WWOX: variants seen among roughly 807,000 people sequenced by gnomAD.
WWOX encodes the protein WW domain-containing oxidoreductase.
In WWOX, 69 loss-of-function variants were observed where a neutral mutation model predicts 46.2. The observed-to-expected ratio is 1.49, with a 90% CI of 1.23 to 1.82. The LOEUF is 1.82. Ranked by LOEUF, WWOX falls within the 40% of genes most tolerant of loss-of-function variation. WWOX has a pLI of 0.00. For synonymous variants in WWOX, 359 were observed against 202.6 expected, an observed-to-expected ratio of 1.77 and a Z score of -6.56; for missense variants, 919 against 542.6, an observed-to-expected ratio of 1.69 and a Z score of -6.89.
At chr16:78,572,389 G>A (rs1245164508) in intron 8 of WWOX, among the ~76,000 whole-genome samples, 1 of 152,144 alleles carries the variant, frequency 6.6e-6, no homozygotes, top group Non-Finnish European at 1.5e-5. Flanking sequence ...GAGCCCAGGA[G>A]TTTGATTCCA....
In WWOX at chr16:78,718,611, G is replaced by A. The variant is rs1382143443; in HGVS notation, c.1056+285859G>A. Among the ~76,000 whole-genome samples the A allele has an allele frequency of 7.2e-5, 11 of 151,988 alleles. No individual in the cohort carries two copies. The East Asian group carries it at 1.5e-3, about 21-fold the overall frequency. On this transcript the variant is annotated intron_variant, in intron 8 of 8. Transcript: ENST00000566780. Reference sequence around the variant, plus strand: ...AATCCTAGGTACTCTGGAGGGTGACGGTGGGAGGATCCCTTGAGCCCAGGA... The same window carrying A: ...AATCCTAGGTACTCTGGAGGGTGACAGTGGGAGGATCCCTTGAGCCCAGGA...
At chr16:78,326,274 A>T (rs538528331) in intron 5 of WWOX, among the ~76,000 whole-genome samples, 3 of 152,324 alleles carry the variant, frequency 2.0e-5, no homozygotes, top group East Asian at 3.9e-4. Flanking sequence ...TTGATGCTTT[A>T]TGTTAAGTGT....
At chr16:78,843,079 A>G (rs1034514249) in intron 8 of WWOX, among the ~76,000 whole-genome samples, 1 of 149,892 alleles carries the variant, frequency 6.7e-6, no homozygotes, top group Non-Finnish European at 1.5e-5. Flanking sequence ...GCTTTTGGCA[A>G]TCACTTCTCT....
intron 8 of WWOX, among the ~76,000 whole-genome samples, chr16:78,999,857 C>T (rs2047060284): frequency 6.6e-6 from 1 of 152,026 alleles, no homozygotes; most frequent in Non-Finnish European, 1.5e-5. Flanking sequence ...CCTTGAAATA[C>T]ATAAAACTTT....
chr16:78,862,044 T>TTA (rs940370315), intron 8 of WWOX, among the ~76,000 whole-genome samples: 1 of 144,182 alleles, frequency 6.9e-6, no homozygotes, highest in African/African-American at 2.5e-5. Context: ...CATGTATCTA[T>TTA]TATATATATA....
intron 8 of WWOX, among the ~76,000 whole-genome samples, chr16:78,633,238 G>C (rs1382080920): frequency 6.6e-6 from 1 of 152,178 alleles, no homozygotes; most frequent in Admixed American, 6.5e-5. Flanking sequence ...CTCCATGCTA[G>C]GTGACAGAGC....
At chr16:78,600,877 G>C (rs2045606644) in intron 8 of WWOX, among the ~76,000 whole-genome samples, 1 of 152,160 alleles carries the variant, frequency 6.6e-6, no homozygotes, top group Non-Finnish European at 1.5e-5. Flanking sequence ...TGCCTATCGT[G>C]ACAGGGAGAA....
intron 5 of WWOX, among the ~76,000 whole-genome samples, chr16:78,275,420 C>T (rs1298929471): frequency 1.3e-5 from 2 of 152,204 alleles, no homozygotes; most frequent in Non-Finnish European, 2.9e-5. Context: ...ATACCTGGCC[C>T]GCTTTCCAAA....
chr16:78,259,458 C>CTATCTATG (rs1555510207), intron 5 of WWOX, among the ~76,000 whole-genome samples: 6 of 145,396 alleles, frequency 4.1e-5, no homozygotes, highest in Non-Finnish European at 3.1e-5. Flanking sequence ...TGCCGACTAG[C>CTATCTATG]TGGGACTACA....
At chr16:78,977,551 C>T (rs537065878) in intron 8 of WWOX, among the ~76,000 whole-genome samples, 6 of 152,124 alleles carry the variant, frequency 3.9e-5, no homozygotes, top group African/African-American at 1.4e-4. Flanking sequence ...CTGGGGGAGT[C>T]GCTTAATTTC....
chr16:78,720,953 G>A (rs182315635), intron 8 of WWOX, among the ~76,000 whole-genome samples: 16 of 152,196 alleles, frequency 1.1e-4, no homozygotes, highest in Admixed American at 9.8e-4. Flanking sequence ...CATCATCAGG[G>A]GAGCCAAGTG....
intron 8 of WWOX, among the ~76,000 whole-genome samples, chr16:79,127,564 C>T (rs1253434590): frequency 6.6e-6 from 1 of 152,176 alleles, no homozygotes; most frequent in East Asian, 1.9e-4. Context: ...AATTGTGCCG[C>T]AACGTGTAAC....
chr16:78,165,977 T>C (rs1428777172), intron 5 of WWOX, among the ~76,000 whole-genome samples: 1 of 152,066 alleles, frequency 6.6e-6, no homozygotes, highest in Non-Finnish European at 1.5e-5. Flanking sequence ...TAGCAATTTT[T>C]AGGGATGTAT....
intron 8 of WWOX, among the ~76,000 whole-genome samples, chr16:78,661,047 A>G (rs1423537309): frequency 6.6e-6 from 1 of 152,186 alleles, no homozygotes; most frequent in Admixed American, 6.5e-5. Context: ...ATGTTCCTGC[A>G]TGTATATTTG....
chr16:78,792,499 G>T (rs1001968493), intron 8 of WWOX, among the ~76,000 whole-genome samples: 3 of 152,200 alleles, frequency 2.0e-5, no homozygotes, highest in Non-Finnish European at 4.4e-5. Context: ...GACTGAAAAG[G>T]TGCTGCAAGT....
chr16:79,207,040 G>A (rs564642764), intron 8 of WWOX, among the ~76,000 whole-genome samples: 26 of 152,162 alleles, frequency 1.7e-4, no homozygotes, highest in Non-Finnish European at 3.1e-4. Flanking sequence ...CCTCTGCACT[G>A]TTCTGGGAGA....
chr16:78,862,713 G>A (rs1014388582), intron 8 of WWOX, among the ~76,000 whole-genome samples: 1 of 152,100 alleles, frequency 6.6e-6, no homozygotes, highest in Non-Finnish European at 1.5e-5. Context: ...TCAGCTTGAA[G>A]TCAGGCATAG....
intron 8 of WWOX, chr16:78,495,872 G>T (rs1014554377): frequency 6.6e-6 from 1 of 152,010 alleles, no homozygotes; most frequent in African/African-American, 2.4e-5. Context: ...AGTGAGTGTG[G>T]ATTACGTTTA....
intron 6 of WWOX, among the ~76,000 whole-genome samples, chr16:78,387,783 T>G (rs1304790126): frequency 1.1e-4 from 16 of 152,010 alleles, no homozygotes; most frequent in Admixed American, 1.0e-3. Flanking sequence ...ACTTCATTTA[T>G]TTTTTTTCAG....
Sources: gnomAD v4.1 joint callset for allele counts (sites outside exome capture counted in the v4.1 genomes callset) on GRCh38, gnomAD v4.1.1 for gene constraint, MANE v1.5 for transcripts, NCBI Gene and HGNC (gene_info 2026-07-23, HGNC 2026-07-21) for gene names.